The following PCDHA9 variants were observed in gnomAD, a reference collection of about 807,000 sequenced individuals.
The protein encoded by PCDHA9 is protocadherin alpha-9.
In PCDHA9, 62 loss-of-function variants were observed where a neutral mutation model predicts 62.0. The observed-to-expected ratio is 1.00, with a 90% CI of 0.81 to 1.23. The LOEUF (loss-of-function observed/expected upper bound fraction) is 1.23. Ranked by LOEUF, PCDHA9 falls within the 50% of genes most tolerant of loss-of-function variation. The probability of loss-of-function intolerance (pLI) is 0.00; values close to 1 mark genes in which losing one functional copy is unlikely to be tolerated. For missense variants in PCDHA9, 1,205 were observed against 1,249.8 expected, an observed-to-expected ratio of 0.96 and a Z score of 0.54; for synonymous variants, 557 against 567.6, an observed-to-expected ratio of 0.98 and a Z score of 0.27.
At chr5:140,874,554 TTC>T (rs2054993631) in intron 1 of PCDHA9, among the ~76,000 whole-genome samples, 1 of 152,236 alleles carries the variant, frequency 6.6e-6, no homozygotes, top group African/African-American at 2.4e-5. Flanking sequence ...TAAGAGATCT[TTC>T]GCATTTTAGT....
rs2150450595 is a variant in PCDHA9, at chr5:140,849,795, T to C, written c.1300T>C (p.Ser434Pro). Residue 434 changes from serine to proline, a missense_variant, in exon 1 of 4, where the codon TCA becomes CCA. Ser to Pro is a moderately conservative substitution (Grantham distance 74). Transcript: ENST00000532602. ...TACCGCGCGGGACGGGGGCTCGCCT[T>C]CACTGTGGGCCACGGCCAGGGTGTC... ...VVTARDGGSPSLWATARVSVE... is the reference protein window; with the variant it reads ...VVTARDGGSPPLWATARVSVE... 6.3e-7 allele frequency: 1 copy of C among 1,598,164 alleles called. No individual in the cohort carries two copies. Among genetic ancestry groups the C allele is most frequent in the Non-Finnish European group, 8.6e-7 (1 of 1,167,798 alleles).
rs562257406 is a variant in PCDHA9 at position 140,883,263 on chromosome 5, G to A, written c.2394+32374G>A. 5.0e-6 allele frequency: 8 copies of A among 1,613,870 alleles called. No individual in the cohort carries two copies. The Admixed American group carries it at 6.7e-5, about 13-fold the overall frequency. ...GACAAAGGAAATATTCCAATGGCGG[G>A]TCATTGTACCCTTTTGGTGGAAGTA... On this transcript the variant is annotated intron_variant, in intron 1 of 3. Transcript: ENST00000532602.
At chr5:140,956,038 A>T in intron 1 of PCDHA9, among the ~76,000 whole-genome samples, 1 of 152,182 alleles carries the variant, frequency 6.6e-6, no homozygotes, top group South Asian at 2.1e-4. Flanking sequence ...CAGCTTAAGA[A>T]GCTTTTGGGC....
chr5:140,853,419 G>A lies in PCDHA9; in HGVS notation c.2394+2530G>A, dbSNP rs2150531537. The A allele has an allele frequency of 1.0e-5, 10 of 986,026 alleles. No individual in the cohort carries two copies. The East Asian group carries it at 1.1e-3, about 112-fold the overall frequency. 61.1% of individuals were successfully genotyped at this position (986,026 alleles called of 1,614,324 possible). On this transcript the variant is annotated intron_variant, in intron 1 of 3. Coordinates refer to ENST00000532602, the MANE Select transcript of PCDHA9 (RefSeq NM_031857.2). ...AGTTCAAAACAGAGAGGTGAAAGCA[G>A]AAGAGACACTTTCCTATTTTGCCTA... is the stretch of plus-strand genomic sequence containing the variant.
intron 1 of PCDHA9, among the ~76,000 whole-genome samples, chr5:140,889,692 T>C (rs1237047126): frequency 1.3e-5 from 2 of 152,202 alleles, no homozygotes; most frequent in Non-Finnish European, 1.5e-5. Context: ...TTTAGTATTA[T>C]GGGCATATTC....
At position 140,849,790 on chromosome 5, in the gene PCDHA9, C is replaced by T. The variant is rs2150450402; in HGVS notation, c.1295C>T (p.Ser432Leu). The T allele has an allele frequency of 6.1e-5, 97 of 1,598,120 alleles. 10 individuals are homozygous for T. Among genetic ancestry groups the T allele is most frequent in the Middle Eastern group, 1.7e-4 (1 of 5,854 alleles). Residue 432 changes from serine to leucine, a missense_variant, in exon 1 of 4, where the codon TCG becomes TTG. Physicochemically the swap from Ser to Leu is moderately radical, Grantham distance 145 (BLOSUM62 -2). Around this residue, in one of 3 missense-constraint regions of PCDHA9, gnomAD observed 887 missense variants for 809.5 expected, o/e 1.10. Transcript: ENST00000532602. The stretch of plus-strand genomic sequence containing the variant: ...GTGGTTACCGCGCGGGACGGGGGCT[C>T]GCCTTCACTGTGGGCCACGGCCAGG... Reference protein sequence around the residue: ...ELVVTARDGGSPSLWATARVS... With the variant: ...ELVVTARDGGLPSLWATARVS...
chr5:140,950,237 A>C (rs1192417956), intron 1 of PCDHA9, among the ~76,000 whole-genome samples: 1 of 151,954 alleles, frequency 6.6e-6, no homozygotes, highest in African/African-American at 2.4e-5. Context: ...AGTGCCATTA[A>C]TTTGTTCCTA....
At chr5:140,907,406 A>G (rs2073359357) in intron 1 of PCDHA9, among the ~76,000 whole-genome samples, 1 of 152,216 alleles carries the variant, frequency 6.6e-6, no homozygotes, top group African/African-American at 2.4e-5. Context: ...TGTGTGGAAT[A>G]CCACGATGGT....
chr5:140,967,185 A>G, intron 1 of PCDHA9: 1 of 1,613,242 alleles, frequency 6.2e-7, no homozygotes, highest in Non-Finnish European at 8.5e-7. Context: ...GAAATATTGG[A>G]CATCAACGAC....
chr5:140,966,330 G>A, intron 1 of PCDHA9: 2 of 393,050 alleles, frequency 5.1e-6, no homozygotes, highest in Non-Finnish European at 9.0e-6. Context: ...CTGGGATCCG[G>A]CAGGTCCAGG....
At chr5:140,946,447 A>G (rs1206019841) in intron 1 of PCDHA9, among the ~76,000 whole-genome samples, 6 of 151,544 alleles carry the variant, frequency 4.0e-5, no homozygotes, top group Non-Finnish European at 7.4e-5. Context: ...AGACTAAAAC[A>G]ACTATCCAGC....
chr5:140,902,548 A>G (rs1554190491), intron 1 of PCDHA9, among the ~76,000 whole-genome samples: 1 of 152,028 alleles, frequency 6.6e-6, no homozygotes, highest in East Asian at 1.9e-4. Flanking sequence ...TTCCTTCTAT[A>G]CCCAGATTTT....
chr5:140,994,229 A>G (rs1488908759), intron 3 of PCDHA9, among the ~76,000 whole-genome samples: 3 of 152,188 alleles, frequency 2.0e-5, no homozygotes, highest in African/African-American at 7.2e-5. Flanking sequence ...TGTCTATGTT[A>G]TAATCAATTC....
At chr5:140,941,198 T>TCTTC (rs202127003) in intron 1 of PCDHA9, among the ~76,000 whole-genome samples, 5 of 119,810 alleles carry the variant, frequency 4.2e-5, no homozygotes, top group Non-Finnish European at 7.0e-5. Flanking sequence ...TTTTTTTCTT[T>TCTTC]CTTCCTTTCT....
intron 1 of PCDHA9, among the ~76,000 whole-genome samples, chr5:140,907,596 G>A (rs1554193068): frequency 2.0e-5 from 3 of 152,214 alleles, no homozygotes; most frequent in African/African-American, 7.2e-5. Flanking sequence ...ATCACCCTGA[G>A]GAATGGTGCC....
At chr5:140,870,178 C>A (rs2051730547) in intron 1 of PCDHA9, 6 of 1,614,096 alleles carry the variant, frequency 3.7e-6, no homozygotes, top group Non-Finnish European at 5.1e-6. Flanking sequence ...CCTCCCAGTA[C>A]GAGAGGACGC....
chr5:140,964,380 C>T (rs891362271), intron 1 of PCDHA9, among the ~76,000 whole-genome samples: 9 of 152,120 alleles, frequency 5.9e-5, no homozygotes, highest in Non-Finnish European at 1.3e-4. Context: ...AAGGAGAGTC[C>T]TGGTTTTTCT....
chr5:140,898,670 C>T (rs574817267), intron 1 of PCDHA9, among the ~76,000 whole-genome samples: 20 of 152,200 alleles, frequency 1.3e-4, no homozygotes, highest in South Asian at 6.2e-4. Context: ...CTTGGTGTTG[C>T]GGGCTGTTTT....
chr5:140,999,877 G>A (rs1194481133), intron 3 of PCDHA9, among the ~76,000 whole-genome samples: 1 of 152,152 alleles, frequency 6.6e-6, no homozygotes, highest in Admixed American at 6.5e-5. Flanking sequence ...CTGAAAATTA[G>A]CCCAGCTGTA....
Sources: allele counts gnomAD v4.1 joint callset (sites outside exome capture counted in the v4.1 genomes callset), GRCh38; gene constraint gnomAD v4.1.1; regional missense constraint gnomAD v4.1.1; transcripts MANE v1.5; gene names NCBI Gene and HGNC (gene_info 2026-07-23, HGNC 2026-07-21).